The following CNTLN variants were observed in gnomAD, a reference collection of about 807,000 sequenced individuals.
CNTLN encodes centlein.
Under a neutral mutation model 180.0 loss-of-function variants are expected in CNTLN, and 212 were observed. That is an observed-to-expected ratio of 1.18 (90% CI 1.05 to 1.32). CNTLN has a LOEUF of 1.32. Among genes scored for constraint, CNTLN ranks in the 40% most tolerant of loss-of-function variants. CNTLN has a pLI of 0.00. For missense variants in CNTLN, 2,095 were observed against 1,610.9 expected, an observed-to-expected ratio of 1.30 and a Z score of -5.14; for synonymous variants, 722 against 563.1, an observed-to-expected ratio of 1.28 and a Z score of -3.99.
At chr9:17,382,840 C>T (rs1485724513) in intron 13 of CNTLN, among the ~76,000 whole-genome samples, 1 of 152,090 alleles carries the variant, frequency 6.6e-6, no homozygotes, top group African/African-American at 2.4e-5. Flanking sequence ...TCATTTATCC[C>T]ACTGAAAATT....
Position 17,465,969 on chromosome 9 carries a change from C to A in CNTLN, c.3532-12C>A. 1.3e-6 allele frequency: 2 copies of A among 1,590,320 alleles called. No individual in the cohort carries two copies. Among genetic ancestry groups the A allele is most frequent in the Non-Finnish European group, 1.7e-6 (2 of 1,166,074 alleles). ...TTCAACAATAATAATTACCTTTATG[C>A]TTTTAATGTAGGTAAAGACATTAAC... On this transcript the variant is annotated splice_polypyrimidine_tract_variant and intron_variant, in intron 21 of 25. Transcript: ENST00000380647.
chr9:17,269,898 T>G (rs1210489851), intron 5 of CNTLN, among the ~76,000 whole-genome samples: 1 of 152,178 alleles, frequency 6.6e-6, no homozygotes, highest in Admixed American at 6.5e-5. Context: ...TATAATTATA[T>G]TGTACATTTG....
intron 18 of CNTLN, chr9:17,448,105 A>T: frequency 5.3e-6 from 1 of 189,066 alleles, no homozygotes; most frequent in Non-Finnish European, 1.2e-5. Flanking sequence ...TTTGAGGCCA[A>T]GTACCGTACT....
the CNTLN span, among the ~76,000 whole-genome samples, chr9:17,510,865 G>C: frequency 1.4e-4 from 22 of 152,178 alleles, no homozygotes; most frequent in Admixed American, 1.2e-3. Flanking sequence ...ATGAACATAA[G>C]TTTTCACTTC....
chr9:17,304,572 A>C (rs957635163), intron 7 of CNTLN, among the ~76,000 whole-genome samples: 2 of 152,176 alleles, frequency 1.3e-5, no homozygotes, highest in Non-Finnish European at 1.5e-5. Context: ...ATTTTTGGCT[A>C]TAAATAGTAC....
At chr9:17,230,412 G>C (rs376965589) in intron 3 of CNTLN, among the ~76,000 whole-genome samples, 12 of 148,026 alleles carry the variant, frequency 8.1e-5, no homozygotes, top group African/African-American at 2.6e-4. Context: ...GAGAGGAAGC[G>C]GTCTGTAGTG....
chr9:17,439,731 C>G (rs971427497), intron 18 of CNTLN, among the ~76,000 whole-genome samples: 7 of 152,162 alleles, frequency 4.6e-5, no homozygotes, highest in East Asian at 1.9e-4. Context: ...AAAAGTGGAG[C>G]CTTTGAGAAT....
chr9:17,278,945 T>G (rs1014046658), intron 6 of CNTLN, among the ~76,000 whole-genome samples: 1 of 152,142 alleles, frequency 6.6e-6, no homozygotes, highest in Non-Finnish European at 1.5e-5. Context: ...TTTAGGTTTT[T>G]TTTTCATATA....
chr9:17,453,254 A>G (rs2134128607), intron 18 of CNTLN, among the ~76,000 whole-genome samples: 1 of 152,212 alleles, frequency 6.6e-6, no homozygotes, highest in Middle Eastern at 3.4e-3. Flanking sequence ...TTGAGGCTGT[A>G]ATGGGCTATG....
At chr9:17,517,555 C>G in the CNTLN span, among the ~76,000 whole-genome samples, 2 of 152,030 alleles carry the variant, frequency 1.3e-5, no homozygotes, top group Non-Finnish European at 2.9e-5. Flanking sequence ...TTGGGAGACA[C>G]AAAGATACAC....
chr9:17,289,627 C>A (rs367650442), intron 6 of CNTLN, among the ~76,000 whole-genome samples: 6 of 128,394 alleles, frequency 4.7e-5, no homozygotes, highest in Non-Finnish European at 8.0e-5. Context: ...TCCATTCTCC[C>A]CATCACTTTC....
intron 5 of CNTLN, among the ~76,000 whole-genome samples, chr9:17,272,301 A>T (rs919815713): frequency 4.6e-5 from 7 of 151,874 alleles, no homozygotes; most frequent in African/African-American, 1.7e-4. Context: ...AGTCTCGATC[A>T]GTTGACCTCG....
the CNTLN span, among the ~76,000 whole-genome samples, chr9:17,514,088 G>C: frequency 2.4e-3 from 370 of 151,736 alleles, 2 homozygotes; most frequent in African/African-American, 8.5e-3. Flanking sequence ...TGGGAGGATC[G>C]CTTGAGCCCA....
rs558275944 is a variant in CNTLN, at chr9:17,312,549, G to C, written c.1341+3297G>C. On this transcript the variant is annotated intron_variant, in intron 8 of 25. Transcript: ENST00000380647. ...CTACAGGTGCCCGCCACCAAGCCCG[G>C]CTAATTTTTTTTTTTTTTTTTTTTT... 1.1e-4 allele frequency among the ~76,000 whole-genome samples: 12 copies of C among 114,106 alleles called. No homozygotes were observed. In the South Asian group the frequency reaches 3.4e-3, roughly 32 times the overall value. The allele number at this position is 114,106 out of a possible 152,430, so 74.9% of individuals were successfully genotyped here. A position where few individuals can be genotyped will look rare whatever the true frequency, so the allele number is the denominator to read the frequency against.
chr9:17,226,368 C>A, intron 3 of CNTLN, 81 bp downstream of exon 3: 2 of 746,688 alleles, frequency 2.7e-6, no homozygotes, highest in Non-Finnish European at 2.1e-6. Flanking sequence ...TATTTTTTTG[C>A]AATAGTGTTT....
chr9:17,509,691 A>G, the CNTLN span, among the ~76,000 whole-genome samples: 1 of 152,138 alleles, frequency 6.6e-6, no homozygotes, highest in Non-Finnish European at 1.5e-5. Context: ...CATTTCTCCC[A>G]TAGCCAGGGT....
At chr9:17,508,419 T>C (rs1833971529), downstream of CNTLN, among the ~76,000 whole-genome samples, 2 of 152,194 alleles carry the variant, frequency 1.3e-5, no homozygotes, top group Non-Finnish European at 2.9e-5. Context: ...ATATAGACCA[T>C]AGATGGATTT....
chr9:17,297,519 A>G (rs1196166947), intron 6 of CNTLN, among the ~76,000 whole-genome samples: 1 of 152,196 alleles, frequency 6.6e-6, no homozygotes, highest in South Asian at 2.1e-4. Flanking sequence ...TCAAAGGTGT[A>G]GTTCTCCTAG....
intron 15 of CNTLN, among the ~76,000 whole-genome samples, chr9:17,399,240 T>C (rs1428919169): frequency 6.6e-6 from 1 of 152,236 alleles, no homozygotes; most frequent in Non-Finnish European, 1.5e-5. Context: ...CATGTTAATA[T>C]ACTTGTTTTT....
Sources: allele counts gnomAD v4.1 joint callset (sites outside exome capture counted in the v4.1 genomes callset), GRCh38; gene constraint gnomAD v4.1.1; transcripts MANE v1.5; gene names NCBI Gene and HGNC (gene_info 2026-07-23, HGNC 2026-07-21).